The following PRPF3 variants were observed in gnomAD, a reference collection of about 807,000 sequenced individuals.
PRPF3 encodes U4/U6 small nuclear ribonucleoprotein Prp3.
A neutral mutation model predicts 89.2 loss-of-function variants in PRPF3; 3 were observed. The observed-to-expected ratio is 0.03, with a 90% CI of 0.02 to 0.09. PRPF3 has a LOEUF of 0.09. PRPF3 is among the 10% of genes least tolerant of loss of function. PRPF3 has a pLI of 1.00. For synonymous variants in PRPF3, 270 were observed against 289.1 expected (o/e 0.93, Z 0.67); for missense variants, 463 against 828.8 (o/e 0.56, Z 5.42).
chr1:150,323,533 G>A (rs1229528988), intron 1 of PRPF3, among the ~76,000 whole-genome samples: 7 of 151,626 alleles, frequency 4.6e-5, no homozygotes, highest in Admixed American at 2.6e-4. Flanking sequence ...TACTTGGGAG[G>A]CTGAGGCAGG....
At position 150,348,459 on chromosome 1, in the gene PRPF3, C is replaced by CTTTTTTTTTTTTTTTTTTTT. The variant is rs1553873583; in HGVS notation, c.1844-698_1844-697insTTTTTTTTTTTTTTTTTTTT. ...TAAAAAATATTTTGTTCTACACGTG[C>CTTTTTTTTTTTTTTTTTTTT]ATTTTTTTTTTTTTTTTTTTGAGAT... On this transcript the variant is annotated intron_variant, in intron 14 of 15. Coordinates refer to ENST00000324862, the MANE Select transcript of PRPF3 (RefSeq NM_004698.4). 2.2e-3 allele frequency among the ~76,000 whole-genome samples: 75 copies of CTTTTTTTTTTTTTTTTTTTT among 34,814 alleles called. 6 individuals carry two copies. Among genetic ancestry groups the CTTTTTTTTTTTTTTTTTTTT allele is most frequent in the African/African-American group, 6.4e-3 (68 of 10,610 alleles). The allele number at this position is 34,814 out of a possible 152,430, so 22.8% of individuals were successfully genotyped here. A position where few individuals can be genotyped will look rare whatever the true frequency, so the allele number is the denominator to read the frequency against.
At chr1:150,328,996 T>C in intron 4 of PRPF3, among the ~76,000 whole-genome samples, 1 of 151,026 alleles carries the variant, frequency 6.6e-6, no homozygotes, top group East Asian at 1.9e-4. Context: ...CTCGCCTTAT[T>C]GTGATCTTGA....
Position 150,346,044 on chromosome 1 carries a change from A to G in PRPF3, c.1667A>G (p.Lys556Arg), listed in dbSNP as rs1318706811. The G allele has an allele frequency of 1.2e-6, 2 of 1,614,208 alleles. No individual in the cohort carries two copies. Among genetic ancestry groups the G allele is most frequent in the Non-Finnish European group, 1.7e-6 (2 of 1,180,038 alleles). Residue 556 changes from lysine (K) to arginine (R), a missense_variant, in exon 13 of 16, where the codon AAG (lysine) becomes AGG (arginine). Physicochemically the swap from Lys to Arg is conservative, Grantham distance 26. This residue lies in a region of PRPF3 where 261 missense variants were observed against 475.8 expected (regional missense o/e 0.55). Coordinates refer to ENST00000324862, the MANE Select transcript of PRPF3 (RefSeq NM_004698.4). ...GTTCGAAATTTGAGCAACCCAGCCA[A>G]GAAGTTCAAGATTGAAGCCAATGCT... ...YRVRNLSNPA[K>R]KFKIEANAGQ... is the part of the protein sequence containing the mutation.
rs1553872980 is a variant in PRPF3 at position 150,346,476 on chromosome 1, A to G, written c.1828A>G (p.Asn610Asp). The G allele has an allele frequency of 1.9e-6, 3 of 1,613,108 alleles. No homozygotes were observed. Among genetic ancestry groups the G allele is most frequent in the Non-Finnish European group, 2.5e-6 (3 of 1,179,064 alleles). The change falls in exon 14 of 16, where the codon AAC becomes GAC. Residue 610 changes from asparagine to aspartate, a missense_variant. Physicochemically the swap from Asn to Asp is conservative, Grantham distance 23. Around this residue, in one of 8 missense-constraint regions of PRPF3, gnomAD observed 78 missense variants for 96.6 expected, o/e 0.81. Transcript: ENST00000324862. ...HRIKWDEQTS[N>D]TKGDDDEESD... ...GATAAAGTGGGATGAACAGACATCT[A>G]ACACAAAGGGAGATGGTGAATGGGG...
intron 14 of PRPF3, among the ~76,000 whole-genome samples, chr1:150,348,460 A>ATTTTTTTTTTTT (rs1185909509): frequency 0.12 from 5,656 of 47,992 alleles, 1,854 homozygotes; most frequent in South Asian, 0.26. Flanking sequence ...CTACACGTGC[A>ATTTTTTTTTTTT]TTTTTTTTTT....
intron 2 of PRPF3, among the ~76,000 whole-genome samples, 156 bp downstream of exon 2, chr1:150,325,243 AT>A (rs1655575210): frequency 6.6e-6 from 1 of 152,048 alleles, no homozygotes; most frequent in South Asian, 2.1e-4. Flanking sequence ...CTAAATAATA[AT>A]TTGCTTTTTC....
intron 1 of PRPF3, among the ~76,000 whole-genome samples, chr1:150,322,957 C>G (rs1055074756): frequency 5.3e-5 from 8 of 151,480 alleles, no homozygotes; most frequent in Admixed American, 5.3e-4. Context: ...TCACTGCAAC[C>G]TCCGCCTTCC....
chr1:150,350,342 C>T (rs1195189421), intron 15 of PRPF3, among the ~76,000 whole-genome samples: 1 of 152,040 alleles, frequency 6.6e-6, no homozygotes, highest in African/African-American at 2.4e-5. Flanking sequence ...GCTGGAATTA[C>T]AGGCATGAGC....
intron 4 of PRPF3, among the ~76,000 whole-genome samples, chr1:150,332,337 T>A (rs1656508179): frequency 6.6e-6 from 1 of 152,210 alleles, no homozygotes; most frequent in African/African-American, 2.4e-5. Context: ...TTCTTCCCCC[T>A]TCTAGACACT....
chr1:150,335,978 C>G (rs1656944926), intron 7 of PRPF3, among the ~76,000 whole-genome samples: 2 of 151,490 alleles, frequency 1.3e-5, no homozygotes, highest in South Asian at 4.2e-4. Flanking sequence ...CTATGTTGGC[C>G]CGGCTGGTCT....
At position 150,338,319 on chromosome 1, in the gene PRPF3, T is replaced by A. The variant is rs782756746; in HGVS notation, c.1195T>A (p.Phe399Ile). The A allele has an allele frequency of 2.5e-6, 4 of 1,614,036 alleles. No individual in the cohort carries two copies. Among genetic ancestry groups the A allele is most frequent in the Admixed American group, 1.7e-5 (1 of 60,018 alleles). Reference protein sequence around the residue: ...WWDSYIIPNGFDLTEENPKRE... With the variant: ...WWDSYIIPNGIDLTEENPKRE... ...GGACTCTTACATAATCCCCAATGGC[T>A]TTGATCTGTGAGTTTGTTTTAGTAC... Residue 399 changes from phenylalanine (F) to isoleucine (I), a missense_variant, in exon 8 of 16, where the codon TTT (phenylalanine) becomes ATT (isoleucine). Physicochemically the swap from Phe to Ile is conservative, Grantham distance 21. Around this residue, in one of 8 missense-constraint regions of PRPF3, gnomAD observed 261 missense variants for 475.8 expected, o/e 0.55. Coordinates refer to ENST00000324862, the MANE Select transcript of PRPF3 (RefSeq NM_004698.4).
rs782537493 is a variant in PRPF3 at position 150,344,437 on chromosome 1, G to A, written c.1530G>A (p.Ala510=). 55 of 1,614,060 alleles carry A rather than the reference G, an allele frequency of 3.4e-5. No homozygotes were observed. The highest frequency in any genetic ancestry group is 1.2e-4 in the Admixed American group (7 of 59,998). Residue 510 remains alanine, a synonymous_variant, in exon 12 of 16, where the codon GCG becomes GCA. Coordinates refer to ENST00000324862, the MANE Select transcript of PRPF3 (RefSeq NM_004698.4). ...GATGTCCTTCCTGTCACGACAGAGC[G>A]CATGAAGAGGCCAACGCTGCCCGAA... ...VRAQMAKRQK[A]HEEANAARKL... is the part of the protein sequence containing the mutation.
chr1:150,341,192 G>A (rs1480178432), intron 9 of PRPF3, among the ~76,000 whole-genome samples: 1 of 150,378 alleles, frequency 6.6e-6, no homozygotes, highest in Non-Finnish European at 1.5e-5. Flanking sequence ...TTCCCTGGTT[G>A]TTCCTAGGAA....
intron 3 of PRPF3, 54 bp from the exon 4 acceptor site, chr1:150,328,266 C>T: frequency 1.9e-6 from 3 of 1,601,338 alleles, no homozygotes; most frequent in Non-Finnish European, 2.6e-6. Context: ...GATAATTCTT[C>T]CCTTCTCCCC....
At chr1:150,340,602 T>C (rs1446234794) in intron 9 of PRPF3, 125 bp downstream of exon 9, 8 of 775,698 alleles carry the variant, frequency 1.0e-5, no homozygotes, top group Non-Finnish European at 1.5e-5. Flanking sequence ...TGTAATTCTT[T>C]TTTTTAATTC....
intron 14 of PRPF3, among the ~76,000 whole-genome samples, chr1:150,348,459 C>CTTTTTTTTTTTTTTTTTTTTTTTTTTTT (rs1553873583): frequency 5.7e-5 from 2 of 34,818 alleles, no homozygotes; most frequent in African/African-American, 1.9e-4. Context: ...TCTACACGTG[C>CTTTTTTTTTTTTTTTTTTTTTTTTTTTT]ATTTTTTTTT....
intron 15 of PRPF3, among the ~76,000 whole-genome samples, chr1:150,351,046 T>C (rs1776265): frequency 0.59 from 89,595 of 151,764 alleles, 26,907 homozygotes; most frequent in African/African-American, 0.62. Context: ...GTGGGCGGAT[T>C]ACGAGGTCAG....
intron 1 of PRPF3, among the ~76,000 whole-genome samples, chr1:150,323,840 G>C (rs797039721): frequency 1.4e-5 from 2 of 146,726 alleles, no homozygotes; most frequent in African/African-American, 5.1e-5. Context: ...GCAGTGGCGC[G>C]ATCTTGGCTC....
At position 150,338,235 on chromosome 1, in the gene PRPF3, G is replaced by T. The variant is rs782087854; in HGVS notation, c.1111G>T (p.Ala371Ser). 2 of 1,614,050 alleles carry T rather than the reference G, an allele frequency of 1.2e-6. No homozygotes were observed. The highest frequency in any genetic ancestry group is 1.1e-5 in the South Asian group (1 of 91,080). ...AGGCATCCATACTTCGACTAGGCTT[G>T]CCCTCATTGCTCCTAAGAAGGAGCT... ...KTGIHTSTRL[A>S]LIAPKKELKE... The change falls in exon 8 of 16, where the codon GCC becomes TCC. Residue 371 changes from alanine to serine, a missense_variant. Ala to Ser is a moderately conservative substitution (Grantham distance 99, BLOSUM62 1). Transcript: ENST00000324862.
Sources: allele counts gnomAD v4.1 joint callset (sites outside exome capture counted in the v4.1 genomes callset), GRCh38; gene constraint gnomAD v4.1.1; regional missense constraint gnomAD v4.1.1; transcripts MANE v1.5; gene names NCBI Gene and HGNC (gene_info 2026-07-23, HGNC 2026-07-21).